Variants in KCNT2 observed in about 807,000 individuals in gnomAD.
The protein encoded by KCNT2 is potassium channel subfamily T member 2.
KCNT2 carries 67 observed loss-of-function variants against 153.8 expected under a neutral mutation model. That is an observed-to-expected ratio of 0.44 (90% CI 0.36 to 0.53). The LOEUF (loss-of-function observed/expected upper bound fraction) is 0.53, where lower values mean the gene tolerates loss of function less well. KCNT2 is among the 20% of genes least tolerant of loss of function. KCNT2 has a pLI of 0.00. For missense variants in KCNT2, 975 were observed against 1,354.8 expected (o/e 0.72, Z 4.40); for synonymous variants, 500 against 458.8 (o/e 1.09, Z -1.15).
intron 1 of KCNT2, among the ~76,000 whole-genome samples, chr1:196,506,940 T>A (rs1681193749): frequency 6.6e-6 from 1 of 152,160 alleles, no homozygotes; most frequent in African/African-American, 2.4e-5. Context: ...ATATTCACCA[T>A]TTAATCACAA....
chr1:196,334,677 A>C (rs1664836521), intron 16 of KCNT2, among the ~76,000 whole-genome samples: 1 of 151,766 alleles, frequency 6.6e-6, no homozygotes. Context: ...TATTAAATGA[A>C]TATTTATTGA....
chr1:196,282,015 C>G lies in KCNT2; in HGVS notation c.2781+258G>C, dbSNP rs1659158012. On this transcript the variant is annotated intron_variant, in intron 24 of 27. Transcript: ENST00000294725. ...CCACCCGCCTCAGCCTCCCAAAGTG[C>G]TAGGATTACAGGTGTGAGCCTCCAC... Among the ~76,000 whole-genome samples the G allele has an allele frequency of 1.3e-5, 2 of 152,158 alleles. 1 individual carries two copies. Among genetic ancestry groups the G allele is most frequent in the South Asian group, 4.1e-4 (2 of 4,826 alleles).
chr1:196,533,278 C>T (rs1243111738), intron 1 of KCNT2, among the ~76,000 whole-genome samples: 2 of 151,936 alleles, frequency 1.3e-5, no homozygotes, highest in South Asian at 2.1e-4. Context: ...TAATTATTGG[C>T]CTTCTTAGGA....
chr1:196,523,433 G>A (rs772765160), intron 1 of KCNT2, among the ~76,000 whole-genome samples: 4 of 152,174 alleles, frequency 2.6e-5, no homozygotes, highest in Non-Finnish European at 4.4e-5. Context: ...TCTCAAAAAT[G>A]AAAAGTGTAG....
At chr1:196,444,405 A>T (rs879793809) in intron 8 of KCNT2, among the ~76,000 whole-genome samples, 2 of 151,312 alleles carry the variant, frequency 1.3e-5, no homozygotes, top group Non-Finnish European at 3.0e-5. Flanking sequence ...ACTTTCAAAA[A>T]CAAGCAAGCA....
intron 1 of KCNT2, among the ~76,000 whole-genome samples, chr1:196,506,164 G>A (rs938334708): frequency 1.3e-5 from 2 of 152,118 alleles, no homozygotes; most frequent in African/African-American, 4.8e-5. Flanking sequence ...TAAAGAAGAT[G>A]AGCATGAGCT....
intron 15 of KCNT2, 143 bp from the exon 16 acceptor site, chr1:196,340,713 C>T (rs879692194): frequency 1.7e-6 from 1 of 594,812 alleles, no homozygotes; most frequent in African/African-American, 1.9e-5. Flanking sequence ...GGAAAATAAA[C>T]TATGTGCTTA....
intron 13 of KCNT2, among the ~76,000 whole-genome samples, chr1:196,377,105 G>A (rs560181546): frequency 2.6e-5 from 4 of 152,100 alleles, no homozygotes; most frequent in East Asian, 3.9e-4. Context: ...GAGGAGTGAC[G>A]TTTATTGGTA....
chr1:196,405,220 A>G (rs1285210228), intron 12 of KCNT2, among the ~76,000 whole-genome samples: 4 of 151,330 alleles, frequency 2.6e-5, no homozygotes, highest in African/African-American at 7.3e-5. Flanking sequence ...TTTCTTGGGG[A>G]CAAATTCATC....
At chr1:196,577,039 C>A (rs190218169) in intron 1 of KCNT2, among the ~76,000 whole-genome samples, 27 of 152,052 alleles carry the variant, frequency 1.8e-4, no homozygotes, top group Middle Eastern at 3.4e-3. Context: ...ATTTTGTTTT[C>A]TTTTTAATTA....
At chr1:196,441,546 T>G (rs1232576348) in intron 8 of KCNT2, among the ~76,000 whole-genome samples, 3 of 151,578 alleles carry the variant, frequency 2.0e-5, no homozygotes, top group Non-Finnish European at 4.4e-5. Context: ...ATTAAATATT[T>G]CAATATTGTC....
At position 196,496,914 on chromosome 1, in the gene KCNT2, CACAG is replaced by C. The variant is rs531473462; in HGVS notation, c.96-4577_96-4574del. On this transcript the variant is annotated intron_variant, in intron 1 of 27. Transcript: ENST00000294725. ...ACATGGACAGAATGTGCAAACTGCA[CACAG>C]ACAGTCACCCCAATCAGCAATAGAT... is the stretch of plus-strand genomic sequence containing the variant. Among the ~76,000 whole-genome samples, 447 of 152,308 alleles carry C rather than the reference CACAG, an allele frequency of 2.9e-3. 1 individual carries two copies. Among genetic ancestry groups the C allele is most frequent in the Non-Finnish European group, 4.5e-3 (308 of 68,022 alleles).
intron 1 of KCNT2, among the ~76,000 whole-genome samples, chr1:196,502,834 G>A (rs780683705): frequency 6.8e-4 from 103 of 151,930 alleles, no homozygotes; most frequent in Non-Finnish European, 1.3e-3. Context: ...TTAAATCCAA[G>A]CAACCCCAAT....
At chr1:196,418,926 G>A (rs1672965426) in intron 12 of KCNT2, among the ~76,000 whole-genome samples, 1 of 152,004 alleles carries the variant, frequency 6.6e-6, no homozygotes, top group Non-Finnish European at 1.5e-5. Flanking sequence ...CCTCCCCAGA[G>A]GTGGCCTTCC....
At chr1:196,473,689 C>A (rs1318474974) in intron 5 of KCNT2, among the ~76,000 whole-genome samples, 1 of 152,104 alleles carries the variant, frequency 6.6e-6, no homozygotes, top group Non-Finnish European at 1.5e-5. Context: ...CTATGAGATA[C>A]ATCCATAAAT....
chr1:196,522,930 C>T (rs1653652718), intron 1 of KCNT2, among the ~76,000 whole-genome samples: 1 of 152,166 alleles, frequency 6.6e-6, no homozygotes, highest in Admixed American at 6.5e-5. Context: ...TGGGCAGGGA[C>T]AAATAAAGGA....
At chr1:196,387,131 GTAAAT>G (rs1670062719) in intron 13 of KCNT2, among the ~76,000 whole-genome samples, 1 of 151,892 alleles carries the variant, frequency 6.6e-6, no homozygotes, top group Non-Finnish European at 1.5e-5. Context: ...AAATCTATAA[GTAAAT>G]TAAAAATAAT....
At position 196,326,775 on chromosome 1, in the gene KCNT2, T is replaced by G; in HGVS notation, c.2218A>C (p.Arg740=). 1 of 1,581,642 alleles carries G rather than the reference T, an allele frequency of 6.3e-7. No individual in the cohort carries two copies. The highest frequency in any genetic ancestry group is 1.2e-5 in the South Asian group (1 of 85,920). ...TCTTTCTTTGGTCTATAATATGCCC[T>G]GAGAGGAACAATAAAGTTATATAAT... ...NGLYNFIVPL[R]AYYRPKKELN... is the part of the protein sequence containing the mutation. The change falls in exon 19 of 28, where the codon AGG becomes CGG. Residue 740 remains arginine, a synonymous_variant. Coordinates refer to ENST00000294725, the MANE Select transcript of KCNT2 (RefSeq NM_198503.5).
Position 196,521,906 on chromosome 1 carries a change from A to G in KCNT2, c.96-29565T>C, listed in dbSNP as rs573161931. 3.6e-3 allele frequency among the ~76,000 whole-genome samples: 551 copies of G among 152,310 alleles called. 4 individuals are homozygous for G. The highest frequency in any genetic ancestry group is 0.01 in the Middle Eastern group (3 of 294). ...CAACAAACCCCTATGACACAAGTTT[A>G]CCTATATAACAAAGTGAACATGTAC... On this transcript the variant is annotated intron_variant, in intron 1 of 27. Transcript: ENST00000294725.
Sources: gnomAD v4.1 joint callset for allele counts (sites outside exome capture counted in the v4.1 genomes callset) on GRCh38, gnomAD v4.1.1 for gene constraint, MANE v1.5 for transcripts, NCBI Gene and HGNC (gene_info 2026-07-23, HGNC 2026-07-21) for gene names.